The following SAMD4A variants were observed in gnomAD, a reference collection of about 807,000 sequenced individuals.
SAMD4A encodes sterile alpha motif domain containing 4A, also known as protein Smaug homolog 1.
SAMD4A carries 33 observed loss-of-function variants against 81.3 expected under a neutral mutation model. That is an observed-to-expected ratio of 0.41 (90% CI 0.31 to 0.54). SAMD4A has a LOEUF of 0.54. Ranked by LOEUF, SAMD4A falls within the 20% of genes least tolerant of loss-of-function variation. SAMD4A has a pLI of 0.37. For synonymous variants in SAMD4A, 389 were observed against 382.1 expected (o/e 1.02, Z -0.21); for missense variants, 854 against 951.1 (o/e 0.90, Z 1.34).
rs184253027 is a variant in SAMD4A, at chr14:54,739,205, G to A, written c.979+1918G>A. 2.5e-3 allele frequency among the ~76,000 whole-genome samples: 373 copies of A among 151,966 alleles called. 3 individuals carry two copies. Among genetic ancestry groups the A allele is most frequent in the African/African-American group, 8.7e-3 (362 of 41,452 alleles). The stretch of plus-strand genomic sequence containing the variant: ...GAAATGAGAGAAAAGTTGAATAAAT[G>A]CCCTATCCCCATTTTGGGACAAAAG... On this transcript the variant is annotated intron_variant, in intron 4 of 12. Coordinates refer to ENST00000554335, the MANE Select transcript of SAMD4A (RefSeq NM_015589.6).
At chr14:54,637,229 G>T (rs1035182772) in intron 2 of SAMD4A, among the ~76,000 whole-genome samples, 74 of 151,918 alleles carry the variant, frequency 4.9e-4, no homozygotes, top group African/African-American at 1.7e-3. Flanking sequence ...GTTGGGCATG[G>T]TGGCGGACAC....
intron 3 of SAMD4A, among the ~76,000 whole-genome samples, chr14:54,704,681 A>G (rs1289022158): frequency 1.3e-5 from 2 of 152,186 alleles, no homozygotes; most frequent in African/African-American, 4.8e-5. Flanking sequence ...ATACCTCTGG[A>G]AGAAGGCAGG....
chr14:54,657,874 C>A (rs538754514), intron 2 of SAMD4A, among the ~76,000 whole-genome samples: 2 of 152,254 alleles, frequency 1.3e-5, no homozygotes, highest in South Asian at 4.1e-4. Flanking sequence ...TTGTGAGATC[C>A]CATCTATCCC....
intron 2 of SAMD4A, among the ~76,000 whole-genome samples, chr14:54,673,377 C>G (rs2035926416): frequency 6.6e-6 from 1 of 152,192 alleles, no homozygotes; most frequent in Admixed American, 6.5e-5. Context: ...CAAAAGTCAT[C>G]CTTATTTGGT....
intron 2 of SAMD4A, among the ~76,000 whole-genome samples, chr14:54,700,003 G>A (rs377281465): frequency 6.6e-5 from 10 of 152,222 alleles, no homozygotes; most frequent in Admixed American, 2.0e-4. Context: ...TGTAAGCACA[G>A]TAAACCCATT....
intron 2 of SAMD4A, among the ~76,000 whole-genome samples, chr14:54,646,332 CCAAA>C (rs2035286278): frequency 2.0e-5 from 3 of 152,178 alleles, no homozygotes; most frequent in African/African-American, 4.8e-5. Context: ...GAAGCTGCCC[CCAAA>C]CAGAGGGCAT....
chr14:54,702,021 GGGTGTAT>G, intron 2 of SAMD4A, 34 bp from the exon 3 acceptor site: 1 of 1,592,512 alleles, frequency 6.3e-7, no homozygotes, highest in Non-Finnish European at 8.6e-7. Context: ...GAGTCACTGT[GGGTGTAT>G]TTGCTTATTT....
chr14:54,669,452 T>TC (rs971448259), intron 2 of SAMD4A, among the ~76,000 whole-genome samples: 20 of 146,182 alleles, frequency 1.4e-4, no homozygotes, highest in Non-Finnish European at 2.6e-4. Context: ...TTTCTTTTTT[T>TC]TTTTTTTTTT....
At chr14:54,679,955 C>T (rs538825608) in intron 2 of SAMD4A, among the ~76,000 whole-genome samples, 3 of 152,334 alleles carry the variant, frequency 2.0e-5, no homozygotes, top group East Asian at 1.9e-4. Flanking sequence ...ATAGTGACCT[C>T]GAGGATTTGG....
chr14:54,783,692 G>A (rs1419963910), intron 11 of SAMD4A, among the ~76,000 whole-genome samples: 1 of 152,214 alleles, frequency 6.6e-6, no homozygotes, highest in Admixed American at 6.5e-5. Flanking sequence ...TCCCAGCTTT[G>A]TGTTAGTTGG....
At position 54,789,179 on chromosome 14, in the gene SAMD4A, GT is replaced by G; in HGVS notation, c.*236del. The G allele has an allele frequency of 1.8e-6, 1 of 552,170 alleles. No homozygotes were observed. The highest frequency in any genetic ancestry group is 3.3e-6 in the Non-Finnish European group (1 of 305,794). The allele number at this position is 552,170 out of a possible 1,614,324, so 34.2% of individuals were successfully genotyped here. ...GTCATGGGATGGTTTGGTGTGTGGG[GT>G]GGGGAGGGGTCTCTAGGGAATTATG... On this transcript the variant is annotated 3_prime_UTR_variant, in exon 13 of 13. Transcript: ENST00000554335.
intron 2 of SAMD4A, among the ~76,000 whole-genome samples, chr14:54,601,899 CT>C (rs2034062319): frequency 6.6e-6 from 1 of 152,112 alleles, no homozygotes; most frequent in Admixed American, 6.5e-5. Context: ...GCTAGACTGA[CT>C]TAAAGACTTT....
intron 2 of SAMD4A, among the ~76,000 whole-genome samples, chr14:54,698,510 T>C (rs1208962459): frequency 1.3e-5 from 2 of 152,218 alleles, no homozygotes; most frequent in Admixed American, 1.3e-4. Context: ...AGAAGGCTAG[T>C]AATAGGACCT....
At chr14:54,691,999 A>C (rs1036048864) in intron 2 of SAMD4A, among the ~76,000 whole-genome samples, 3 of 152,220 alleles carry the variant, frequency 2.0e-5, no homozygotes, top group African/African-American at 4.8e-5. Flanking sequence ...CATTGCTAAC[A>C]TGCATATTTT....
intron 3 of SAMD4A, 120 bp from the exon 4 acceptor site, chr14:54,736,904 C>T: frequency 8.5e-7 from 1 of 1,170,580 alleles, no homozygotes; most frequent in Non-Finnish European, 1.2e-6. Context: ...CTGCTGTGAC[C>T]ATGGATGGAG....
intron 2 of SAMD4A, among the ~76,000 whole-genome samples, chr14:54,646,964 C>T (rs568471931): frequency 6.6e-6 from 1 of 152,248 alleles, no homozygotes; most frequent in East Asian, 1.9e-4. Flanking sequence ...GCTGGAAACT[C>T]AATGCAGCTT....
intron 2 of SAMD4A, among the ~76,000 whole-genome samples, chr14:54,587,128 A>T (rs1187591): frequency 6.6e-6 from 1 of 151,824 alleles, no homozygotes; most frequent in Non-Finnish European, 1.5e-5. Context: ...AGTTTTCCTT[A>T]TAGGGATCTT....
chr14:54,779,592 C>T (rs112751167), intron 11 of SAMD4A, among the ~76,000 whole-genome samples: 25 of 152,240 alleles, frequency 1.6e-4, no homozygotes, highest in African/African-American at 6.0e-4. Context: ...TTACAGGACT[C>T]ATCCCTCGTT....
chr14:54,594,094 A>G (rs977334410), intron 2 of SAMD4A, among the ~76,000 whole-genome samples: 1 of 152,188 alleles, frequency 6.6e-6, no homozygotes, highest in African/African-American at 2.4e-5. Context: ...TTAAAAAAAA[A>G]GTACATTTTC....
Sources: gnomAD v4.1 joint callset for allele counts (sites outside exome capture counted in the v4.1 genomes callset) on GRCh38, gnomAD v4.1.1 for gene constraint, MANE v1.5 for transcripts, NCBI Gene and HGNC (gene_info 2026-07-23, HGNC 2026-07-21) for gene names.